RASGRF2: variants seen among roughly 807,000 people sequenced by gnomAD.
The protein encoded by RASGRF2 is Ras protein specific guanine nucleotide releasing factor 2, also known as ras-specific guanine nucleotide-releasing factor 2.
A neutral mutation model predicts 151.0 loss-of-function variants in RASGRF2; 76 were observed. The observed-to-expected ratio is 0.50, with a 90% confidence interval of 0.42 to 0.61. RASGRF2 has a LOEUF of 0.61. Among genes scored for constraint, RASGRF2 ranks in the 20% least tolerant of loss-of-function variants. RASGRF2 has a pLI of 0.00. For missense variants in RASGRF2, 1,148 were observed against 1,564.6 expected, an observed-to-expected ratio of 0.73 and a Z score of 4.49; for synonymous variants, 504 against 566.5, an observed-to-expected ratio of 0.89 and a Z score of 1.57.
chr5:81,183,565 G>A (rs1208841960), intron 18 of RASGRF2, among the ~76,000 whole-genome samples: 1 of 152,314 alleles, frequency 6.6e-6, no homozygotes, highest in African/African-American at 2.4e-5. Context: ...CTTCCTATGT[G>A]AATACATTCT....
chr5:81,157,530 T>A (rs1370842060), intron 17 of RASGRF2, among the ~76,000 whole-genome samples: 1 of 152,190 alleles, frequency 6.6e-6, no homozygotes, highest in East Asian at 1.9e-4. Context: ...ATTCATAGAT[T>A]CAGCACAATT....
At chr5:81,205,365 G>A (rs887499829) in intron 19 of RASGRF2, among the ~76,000 whole-genome samples, 1 of 152,240 alleles carries the variant, frequency 6.6e-6, no homozygotes, top group Non-Finnish European at 1.5e-5. Flanking sequence ...GAGCAACTTA[G>A]TCAGTGTCTT....
At chr5:81,087,028 G>A (rs1419663626) in intron 9 of RASGRF2, 75 bp downstream of exon 9, 41 of 1,384,922 alleles carry the variant, frequency 3.0e-5, no homozygotes, top group Non-Finnish European at 4.0e-5. Context: ...ACCCCGGAAG[G>A]CGTTCTGAAC....
intron 2 of RASGRF2, among the ~76,000 whole-genome samples, chr5:81,049,536 TC>T (rs1750942463): frequency 6.6e-6 from 1 of 152,196 alleles, no homozygotes; most frequent in African/African-American, 2.4e-5. Context: ...ATTTCACTAC[TC>T]CTTGTGTTCT....
At chr5:81,094,811 T>G in intron 11 of RASGRF2, 45 bp from the exon 12 acceptor site, 1 of 1,539,564 alleles carries the variant, frequency 6.5e-7, no homozygotes, top group Non-Finnish European at 8.9e-7. Context: ...TCACTCTTTG[T>G]TTTTTTGTAT....
At position 81,229,985 on chromosome 5, in the gene RASGRF2, G is replaced by C. The variant is rs746204146; in HGVS notation, c.*4215G>C. On this transcript the variant is annotated 3_prime_UTR_variant, in exon 27 of 27. Transcript: ENST00000265080. Reference sequence around the variant, plus strand: ...GTATTTCTTTATCATTTGAGTGTGTGTGTGATGGACGAATATGTGTGTGAG... The same window carrying C: ...GTATTTCTTTATCATTTGAGTGTGTCTGTGATGGACGAATATGTGTGTGAG... 1 of 152,234 alleles carries C rather than the reference G, an allele frequency of 6.6e-6. No individual in the cohort carries two copies. Among genetic ancestry groups the C allele is most frequent in the Non-Finnish European group, 1.5e-5 (1 of 68,054 alleles). The allele number at this position is 152,234 out of a possible 1,614,324, so 9.4% of individuals were successfully genotyped here.
intron 17 of RASGRF2, among the ~76,000 whole-genome samples, chr5:81,168,372 G>A (rs1378123953): frequency 6.9e-6 from 1 of 145,270 alleles, no homozygotes; most frequent in Admixed American, 7.0e-5. Flanking sequence ...GTGCAGTGGC[G>A]TAACCTTGGC....
intron 22 of RASGRF2, among the ~76,000 whole-genome samples, chr5:81,211,115 C>G (rs2112732600): frequency 6.6e-6 from 1 of 150,524 alleles, no homozygotes; most frequent in Non-Finnish European, 1.5e-5. Context: ...CTGTATTCCA[C>G]CTGGGGCAAT....
Position 81,042,902 on chromosome 5 carries a change from A to G in RASGRF2, c.314A>G (p.His105Arg). 4 of 1,612,234 alleles carry G rather than the reference A, an allele frequency of 2.5e-6. No individual in the cohort carries two copies. The highest frequency in any genetic ancestry group is 3.4e-6 in the Non-Finnish European group (4 of 1,179,452). Reference sequence around the variant, plus strand: ...TATTACTTTACTGTTCTTTTTGGCCATGAAGGTCAGAAGCCACTGGAGCTG... The same window carrying G: ...TATTACTTTACTGTTCTTTTTGGCCGTGAAGGTCAGAAGCCACTGGAGCTG... ...KQYYFTVLFG[H>R]EGQKPLELRC... The change falls in exon 2 of 27, where the codon CAT (histidine) becomes CGT (arginine). Residue 105 changes from histidine to arginine, a missense_variant. This residue lies in a region of RASGRF2 where 221 missense variants were observed against 271.3 expected (regional missense o/e 0.81). Transcript: ENST00000265080.
chr5:81,172,487 T>A (rs1754681399), intron 17 of RASGRF2, among the ~76,000 whole-genome samples: 2 of 150,728 alleles, frequency 1.3e-5, no homozygotes, highest in Non-Finnish European at 3.0e-5. Flanking sequence ...ATTGTTACAG[T>A]TAACTGCACT....
chr5:81,207,183 C>A, intron 20 of RASGRF2, 63 bp from the exon 21 acceptor site: 1 of 1,361,730 alleles, frequency 7.3e-7, no homozygotes. Flanking sequence ...GCCTCACTGA[C>A]CTGCAATGAG....
At chr5:80,962,596 G>A (rs1349496316) in intron 1 of RASGRF2, among the ~76,000 whole-genome samples, 4 of 151,476 alleles carry the variant, frequency 2.6e-5, no homozygotes, top group Non-Finnish European at 5.9e-5. Flanking sequence ...ATTAATATAA[G>A]ATAACCACTT....
chr5:81,142,368 T>C (rs906645094), intron 17 of RASGRF2, among the ~76,000 whole-genome samples: 5 of 152,232 alleles, frequency 3.3e-5, no homozygotes, highest in Non-Finnish European at 7.3e-5. Flanking sequence ...CTCTGCTATC[T>C]GCCAGCCCTA....
At position 81,152,235 on chromosome 5, in the gene RASGRF2, C is replaced by G. The variant is rs150416087; in HGVS notation, c.2686+25072C>G. Among the ~76,000 whole-genome samples the G allele has an allele frequency of 3.4e-3, 518 of 152,250 alleles. 1 individual carries two copies. The highest frequency in any genetic ancestry group is 5.2e-3 in the Non-Finnish European group (357 of 68,018). ...CAGGCTGGTCTTGAACTCCTGACCT[C>G]AAGTGATCCGCCTGCCTCGGCCTCC... On this transcript the variant is annotated intron_variant, in intron 17 of 26. Transcript: ENST00000265080.
chr5:80,996,213 T>C (rs1318562726), intron 1 of RASGRF2, among the ~76,000 whole-genome samples: 2 of 152,288 alleles, frequency 1.3e-5, no homozygotes, highest in East Asian at 3.9e-4. Flanking sequence ...TTACAATTTT[T>C]GCACTTTGTA....
intron 2 of RASGRF2, among the ~76,000 whole-genome samples, chr5:81,057,856 C>G (rs373594961): frequency 1.1e-4 from 17 of 151,992 alleles, no homozygotes; most frequent in Non-Finnish European, 1.8e-4. Context: ...ATTAGCCAGG[C>G]CTGGTGGTAT....
chr5:81,041,886 C>G (rs1160945654), intron 1 of RASGRF2, among the ~76,000 whole-genome samples: 1 of 152,150 alleles, frequency 6.6e-6, no homozygotes, highest in South Asian at 2.1e-4. Context: ...TCTGGAAACC[C>G]CTGATCTGTT....
At chr5:81,074,654 C>T (rs569679993) in intron 5 of RASGRF2, among the ~76,000 whole-genome samples, 1 of 152,242 alleles carries the variant, frequency 6.6e-6, no homozygotes, top group South Asian at 2.1e-4. Flanking sequence ...TTCTGAAGAT[C>T]TTTCCATATT....
At chr5:81,034,821 T>G (rs1286433898) in intron 1 of RASGRF2, among the ~76,000 whole-genome samples, 3 of 131,832 alleles carry the variant, frequency 2.3e-5, no homozygotes, top group African/African-American at 3.1e-5. Context: ...GGGGTAGGGA[T>G]AGCATTGGGA....
Sources: gnomAD v4.1 joint callset for allele counts (sites outside exome capture counted in the v4.1 genomes callset) on GRCh38, gnomAD v4.1.1 for gene constraint, gnomAD v4.1.1 regional missense constraint, MANE v1.5 for transcripts, NCBI Gene and HGNC (gene_info 2026-07-23, HGNC 2026-07-21) for gene names.